Variants in SPINK5 observed in about 807,000 individuals in gnomAD.
SPINK5 encodes serine peptidase inhibitor Kazal type 5.
Under a neutral mutation model 151.8 loss-of-function variants are expected in SPINK5, and 125 were observed. The observed-to-expected ratio is 0.82, with a 90% CI of 0.71 to 0.96. SPINK5 has a LOEUF of 0.96. Ranked by LOEUF, SPINK5 falls within the 40% of genes least tolerant of loss-of-function variation. The pLI, the probability that SPINK5 is intolerant of heterozygous loss-of-function variation, is 0.00. For missense variants in SPINK5, 1,194 were observed against 1,291.9 expected (o/e 0.92, Z 1.16); for synonymous variants, 374 against 395.3 (o/e 0.95, Z 0.64).
At chr5:148,118,652 C>T in intron 23 of SPINK5, 88 bp downstream of exon 23, 1 of 1,523,458 alleles carries the variant, frequency 6.6e-7, no homozygotes, top group Non-Finnish European at 9.0e-7. Context: ...TGGCTCCTTC[C>T]ATGCAAATTA....
At position 148,125,346 on chromosome 5, in the gene SPINK5, A is replaced by G. The variant is rs551678880; in HGVS notation, c.2740-377A>G. Reference sequence around the variant, plus strand: ...TATTTTTCAAGACTACAAAGAAGACATCTTTATTCAATTCTTTAACAGTAA... The same window carrying G: ...TATTTTTCAAGACTACAAAGAAGACGTCTTTATTCAATTCTTTAACAGTAA... On this transcript the variant is annotated intron_variant, in intron 28 of 32. Transcript: ENST00000256084. Among the ~76,000 whole-genome samples the G allele has an allele frequency of 3.3e-5, 5 of 152,330 alleles. No homozygotes were observed. In the East Asian group the frequency reaches 9.6e-4, roughly 29 times the overall value.
At chr5:148,121,377 C>A (rs1353963440) in intron 26 of SPINK5, among the ~76,000 whole-genome samples, 2 of 151,540 alleles carry the variant, frequency 1.3e-5, no homozygotes, top group Non-Finnish European at 2.9e-5. Context: ...GAAGATTTTT[C>A]CTATTAGTAG....
intron 4 of SPINK5, among the ~76,000 whole-genome samples, chr5:148,075,132 G>A (rs1266311001): frequency 2.0e-5 from 3 of 151,504 alleles, no homozygotes; most frequent in Non-Finnish European, 3.0e-5. Flanking sequence ...ACTAGTGATG[G>A]TAATGAACAT....
intron 15 of SPINK5, among the ~76,000 whole-genome samples, chr5:148,104,491 T>A (rs957690567): frequency 2.0e-5 from 3 of 152,214 alleles, no homozygotes; most frequent in African/African-American, 7.2e-5. Context: ...TAATTGTTTA[T>A]TGTCTAATAA....
intron 2 of SPINK5, among the ~76,000 whole-genome samples, chr5:148,066,368 C>T (rs1216573193): frequency 6.6e-6 from 1 of 152,100 alleles, no homozygotes. Flanking sequence ...GCACTTAAAG[C>T]ACAATCTTAA....
chr5:148,125,000 T>G, intron 28 of SPINK5, 163 bp downstream of exon 28: 2 of 1,073,770 alleles, frequency 1.9e-6, no homozygotes, highest in Non-Finnish European at 2.4e-6. Flanking sequence ...TTTTTGGGGG[T>G]TTGGGGGTTT....
intron 27 of SPINK5, among the ~76,000 whole-genome samples, chr5:148,124,461 T>G (rs902162064): frequency 1.3e-5 from 2 of 152,208 alleles, no homozygotes; most frequent in Non-Finnish European, 2.9e-5. Context: ...AGCAACTTTC[T>G]AGATGAGAGT....
At chr5:148,094,598 G>A (rs1324143779) in intron 9 of SPINK5, 117 bp downstream of exon 9, 5 of 1,534,958 alleles carry the variant, frequency 3.3e-6, no homozygotes, top group Non-Finnish European at 4.5e-6. Flanking sequence ...CATCTGAGCA[G>A]TTTTATGCCC....
At chr5:148,115,065 G>C (rs1158179898) in intron 21 of SPINK5, among the ~76,000 whole-genome samples, 1 of 152,138 alleles carries the variant, frequency 6.6e-6, no homozygotes, top group African/African-American at 2.4e-5. Context: ...CAGACGTAAG[G>C]TAATATAATA....
At chr5:148,104,821 G>A (rs1249830600) in intron 15 of SPINK5, 131 bp from the exon 16 acceptor site, 79 of 700,534 alleles carry the variant, frequency 1.1e-4, no homozygotes, top group Non-Finnish European at 1.6e-4. Flanking sequence ...GCTTGAACCC[G>A]GGAGGTGGAG....
chr5:148,065,288 G>A, intron 1 of SPINK5, 59 bp from the exon 2 acceptor site: 2 of 1,568,578 alleles, frequency 1.3e-6, no homozygotes, highest in South Asian at 2.2e-5. Context: ...TGGATTATTT[G>A]TTTTGTTTAT....
chr5:148,106,188 T>G (rs1753778605), intron 16 of SPINK5, among the ~76,000 whole-genome samples: 1 of 152,158 alleles, frequency 6.6e-6, no homozygotes, highest in South Asian at 2.1e-4. Flanking sequence ...ATTCTTACCC[T>G]CTTGCTTCAA....
intron 32 of SPINK5, among the ~76,000 whole-genome samples, chr5:148,134,696 T>G (rs572725276): frequency 6.6e-6 from 1 of 152,318 alleles, no homozygotes; most frequent in African/African-American, 2.4e-5. Flanking sequence ...GAACTTTTTC[T>G]AACAGACCAT....
At chr5:148,124,741 TC>T in intron 27 of SPINK5, 23 bp from the exon 28 acceptor site, 4 of 1,300,734 alleles carry the variant, frequency 3.1e-6, no homozygotes, top group Non-Finnish European at 4.2e-6. Flanking sequence ...AATTACCCTA[TC>T]TTTTTTTTTA....
In SPINK5 at chr5:148,099,501, CAAA is replaced by C. The variant is rs3214448; in HGVS notation, c.1092+202_1092+204del. Among the ~76,000 whole-genome samples the C allele has an allele frequency of 0.1, 14,176 of 141,560 alleles. 1,639 individuals are homozygous for C. Among genetic ancestry groups the C allele is most frequent in the African/African-American group, 0.28 (11,147 of 39,476 alleles). The allele number at this position is 141,560 out of a possible 152,430, so 92.9% of individuals were successfully genotyped here. A position where few individuals can be genotyped will look rare whatever the true frequency, so the allele number is the denominator to read the frequency against. ...TCTTGCTGATTAAAAACTAACTCTG[CAAA>C]AAAAAAAAAAAAAAATTGTTTAAAA... On this transcript the variant is annotated intron_variant, in intron 12 of 32. Coordinates refer to ENST00000256084, the MANE Select transcript of SPINK5 (RefSeq NM_006846.4).
chr5:148,066,294 T>C (rs936013666), intron 2 of SPINK5, among the ~76,000 whole-genome samples: 3 of 152,110 alleles, frequency 2.0e-5, no homozygotes, highest in African/African-American at 7.2e-5. Context: ...GATGACCAAT[T>C]ACTCACACAC....
intron 4 of SPINK5, among the ~76,000 whole-genome samples, chr5:148,083,582 A>C (rs1753078292): frequency 1.3e-5 from 2 of 151,444 alleles, no homozygotes; most frequent in South Asian, 2.1e-4. Context: ...TTCTATTGCT[A>C]ATATCTGTGT....
intron 30 of SPINK5, among the ~76,000 whole-genome samples, chr5:148,129,794 T>C (rs1187649287): frequency 6.6e-6 from 1 of 152,188 alleles, no homozygotes; most frequent in Non-Finnish European, 1.5e-5. Context: ...TATAATACTA[T>C]TAAATTTTCT....
At chr5:148,100,626 T>C (rs745468642) in intron 13 of SPINK5, 45 bp downstream of exon 13, 6 of 1,607,234 alleles carry the variant, frequency 3.7e-6, no homozygotes, top group Non-Finnish European at 5.1e-6. Flanking sequence ...GATTTTGTTC[T>C]TTCTATTTCA....
Sources: allele counts gnomAD v4.1 joint callset (sites outside exome capture counted in the v4.1 genomes callset), GRCh38; gene constraint gnomAD v4.1.1; transcripts MANE v1.5; gene names NCBI Gene and HGNC (gene_info 2026-07-23, HGNC 2026-07-21).